LYPLAL1: variants seen among roughly 807,000 people sequenced by gnomAD.
LYPLAL1 encodes the protein lysophospholipase-like protein 1.
In LYPLAL1, 23 loss-of-function variants were observed where a neutral mutation model predicts 19.7. The observed-to-expected ratio is 1.17, with a 90% CI of 0.84 to 1.65. The LOEUF is 1.65. LYPLAL1 is among the 40% of genes most tolerant of loss of function. The pLI, the probability that LYPLAL1 is intolerant of heterozygous loss-of-function variation, is 0.00. For missense variants in LYPLAL1, 355 were observed against 279.4 expected (o/e 1.27, Z -1.93); for synonymous variants, 119 against 96.3 (o/e 1.24, Z -1.38).
intron 3 of LYPLAL1, among the ~76,000 whole-genome samples, chr1:219,204,304 T>C (rs1350589734): frequency 6.6e-6 from 1 of 152,206 alleles, no homozygotes; most frequent in Non-Finnish European, 1.5e-5. Flanking sequence ...AAATTCTGTA[T>C]TCTGAGAAAA....
chr1:219,242,512 G>C, the LYPLAL1 span, among the ~76,000 whole-genome samples: 1 of 152,070 alleles, frequency 6.6e-6, no homozygotes, highest in South Asian at 2.1e-4. Context: ...TGCCTGCCTT[G>C]CTGGATTCCA....
the LYPLAL1 span, among the ~76,000 whole-genome samples, chr1:219,242,742 TA>T: frequency 1.3e-5 from 2 of 151,050 alleles, no homozygotes; most frequent in Non-Finnish European, 2.9e-5. Flanking sequence ...AATATAGTTG[TA>T]AAAAATTAAT....
chr1:219,284,253 C>T, the LYPLAL1 span, among the ~76,000 whole-genome samples: 1 of 152,160 alleles, frequency 6.6e-6, no homozygotes, highest in Non-Finnish European at 1.5e-5. Flanking sequence ...TGGGTAGTAT[C>T]TTTATAGCAG....
Position 219,174,198 on chromosome 1 carries a change from A to G in LYPLAL1, c.91+217A>G, listed in dbSNP as rs575608903. The stretch of plus-strand genomic sequence containing the variant: ...CTTTCTATCGGGCGGTCACTGGTCC[A>G]CCACCCTCGCTTTGGGGCCTTGTGT... On this transcript the variant is annotated intron_variant, in intron 1 of 4. Transcript: ENST00000366928. 3.1e-4 allele frequency: 442 copies of G among 1,412,066 alleles called. 10 individuals are homozygous for G. The South Asian group carries it at 6.4e-3, about 21-fold the overall frequency. 87.5% of individuals were successfully genotyped at this position (1,412,066 alleles called of 1,614,324 possible). A position where few individuals can be genotyped will look rare whatever the true frequency, so the allele number is the denominator to read the frequency against.
At chr1:219,178,153 C>G (rs745327168) in intron 1 of LYPLAL1, among the ~76,000 whole-genome samples, 23 of 152,184 alleles carry the variant, frequency 1.5e-4, no homozygotes, top group Non-Finnish European at 3.2e-4. Context: ...CATAAACTTC[C>G]TCTTGCAGAG....
chr1:219,393,980 A>G, the LYPLAL1 span, among the ~76,000 whole-genome samples: 1 of 151,892 alleles, frequency 6.6e-6, no homozygotes, highest in African/African-American at 2.4e-5. Context: ...GTTTTTGTAT[A>G]TATGTATTAA....
the LYPLAL1 span, among the ~76,000 whole-genome samples, chr1:219,339,387 G>T: frequency 2.0e-5 from 3 of 152,130 alleles, 1 homozygote; most frequent in Non-Finnish European, 4.4e-5. Context: ...AGGAGCAACG[G>T]TGATAATAGC....
chr1:219,193,059 G>GT (rs780717166), intron 2 of LYPLAL1, 23 bp from the exon 3 acceptor site: 23 of 1,328,332 alleles, frequency 1.7e-5, no homozygotes, highest in South Asian at 7.2e-5. Context: ...CTTTTTTTTT[G>GT]GGGGGGGGCG....
At chr1:219,175,513 C>T in intron 1 of LYPLAL1, among the ~76,000 whole-genome samples, 1 of 152,060 alleles carries the variant, frequency 6.6e-6, no homozygotes, top group East Asian at 1.9e-4. Context: ...TCCCCTGGAC[C>T]TCTTTGCTTA....
the LYPLAL1 span, among the ~76,000 whole-genome samples, chr1:219,417,661 T>C: frequency 1.3e-5 from 2 of 152,138 alleles, no homozygotes; most frequent in East Asian, 3.9e-4. Flanking sequence ...GTCTTGAGAG[T>C]TTTAAATACT....
chr1:219,441,093 C>T, the LYPLAL1 span, among the ~76,000 whole-genome samples: 2 of 152,148 alleles, frequency 1.3e-5, no homozygotes, highest in Non-Finnish European at 2.9e-5. Flanking sequence ...GGAAATTCTA[C>T]AGGAAAACAA....
the LYPLAL1 span, among the ~76,000 whole-genome samples, chr1:219,231,195 G>A: frequency 2.0e-5 from 3 of 152,146 alleles, no homozygotes; most frequent in South Asian, 2.1e-4. Context: ...ATGGAGGGCC[G>A]TGTGGGTGAA....
chr1:219,242,814 CAG>C, the LYPLAL1 span, among the ~76,000 whole-genome samples: 1 of 151,902 alleles, frequency 6.6e-6, no homozygotes, highest in African/African-American at 2.4e-5. Flanking sequence ...GGGCAAATAA[CAG>C]TGGAAATTAA....
chr1:219,228,977 C>T, the LYPLAL1 span, among the ~76,000 whole-genome samples: 3 of 151,988 alleles, frequency 2.0e-5, no homozygotes, highest in Admixed American at 6.6e-5. Flanking sequence ...CTGCGTCTGG[C>T]CATAAGCAAT....
At chr1:219,211,373 T>C in intron 4 of LYPLAL1, 119 bp from the exon 5 acceptor site, 2 of 725,822 alleles carry the variant, frequency 2.8e-6, no homozygotes, top group Non-Finnish European at 4.6e-6. Context: ...TCTGCCTTTT[T>C]TTTCCCATTA....
chr1:219,352,268 C>T, the LYPLAL1 span, among the ~76,000 whole-genome samples: 4 of 152,312 alleles, frequency 2.6e-5, no homozygotes, highest in African/African-American at 9.6e-5. Context: ...CGGTGGCTCA[C>T]GCCTGTAATC....
the LYPLAL1 span, among the ~76,000 whole-genome samples, chr1:219,254,192 T>A: frequency 6.6e-6 from 1 of 152,070 alleles, no homozygotes; most frequent in Non-Finnish European, 1.5e-5. Flanking sequence ...GAGACGGATC[T>A]CTTGAAGATG....
At chr1:219,394,201 G>C in the LYPLAL1 span, among the ~76,000 whole-genome samples, 1 of 152,082 alleles carries the variant, frequency 6.6e-6, no homozygotes, top group African/African-American at 2.4e-5. Context: ...ATTTTGTCTA[G>C]ATAAAAGTTA....
At chr1:219,199,368 ACTT>A (rs1657886029) in intron 3 of LYPLAL1, among the ~76,000 whole-genome samples, 1 of 152,082 alleles carries the variant, frequency 6.6e-6, no homozygotes, top group African/African-American at 2.4e-5. Context: ...ATTTTATAAC[ACTT>A]CTTTTTAAAA....
Sources: gnomAD v4.1 joint callset for allele counts (sites outside exome capture counted in the v4.1 genomes callset) on GRCh38, gnomAD v4.1.1 for gene constraint, MANE v1.5 for transcripts, NCBI Gene and HGNC (gene_info 2026-07-23, HGNC 2026-07-21) for gene names.